Variants in ANK2 observed in about 807,000 individuals in gnomAD.
ANK2 encodes ankyrin-2.
A neutral mutation model predicts 360.5 loss-of-function variants in ANK2; 83 were observed. The ratio of observed to expected loss-of-function variants is 0.23; its 90% CI spans 0.19 to 0.28. The LOEUF is 0.28. Ranked by LOEUF, ANK2 falls within the 10% of genes least tolerant of loss-of-function variation. The pLI, the probability that ANK2 is intolerant of heterozygous loss-of-function variation, is 1.00. For synonymous variants in ANK2, 1,740 were observed against 1,759.5 expected (o/e 0.99, Z 0.28); for missense variants, 4,201 against 4,795.7 (o/e 0.88, Z 3.66).
the ANK2 span, among the ~76,000 whole-genome samples, chr4:112,748,294 A>G: frequency 6.6e-6 from 1 of 152,210 alleles, no homozygotes; most frequent in South Asian, 2.1e-4. Flanking sequence ...GGTTTTATAG[A>G]GTAAATATGG....
the ANK2 span, among the ~76,000 whole-genome samples, chr4:112,749,189 C>T: frequency 6.6e-6 from 1 of 152,306 alleles, no homozygotes; most frequent in South Asian, 2.1e-4. Context: ...CGTGAGCCAC[C>T]GCGCCTGGCC....
intron 1 of ANK2, among the ~76,000 whole-genome samples, chr4:112,887,594 A>G (rs2078774593): frequency 6.6e-6 from 1 of 152,060 alleles, no homozygotes; most frequent in South Asian, 2.1e-4. Context: ...AACCATATAC[A>G]CTCTTCAATT....
At position 113,227,818 on chromosome 4, in the gene ANK2, A is replaced by C. The variant is rs138975943; in HGVS notation, c.385-4343A>C. 4.9e-3 allele frequency among the ~76,000 whole-genome samples: 753 copies of C among 152,344 alleles called. 8 individuals carry two copies. Among genetic ancestry groups the C allele is most frequent in the African/African-American group, 0.017 (709 of 41,578 alleles). ...AGGATAATAGTACAAATGTTGCAGC[A>C]CCATTCTAAGTATTAGATATAGTAT... On this transcript the variant is annotated intron_variant, in intron 4 of 45. Transcript: ENST00000357077.
chr4:113,281,184 A>T (rs948256490), intron 17 of ANK2, among the ~76,000 whole-genome samples: 7 of 152,206 alleles, frequency 4.6e-5, no homozygotes, highest in African/African-American at 1.7e-4. Context: ...TAAATTCTCA[A>T]AACACTTTTT....
the ANK2 span, among the ~76,000 whole-genome samples, chr4:112,725,731 T>C: frequency 1.3e-5 from 2 of 151,984 alleles, no homozygotes; most frequent in Non-Finnish European, 2.9e-5. Flanking sequence ...TAGTCAAATT[T>C]ACAGAGGCAG....
At chr4:112,729,502 T>C in the ANK2 span, among the ~76,000 whole-genome samples, 1 of 152,090 alleles carries the variant, frequency 6.6e-6, no homozygotes, top group Non-Finnish European at 1.5e-5. Context: ...AGGCCTATAA[T>C]CCCAGCACTT....
In ANK2 at chr4:113,074,435, C is replaced by T. The variant is rs115406174; in HGVS notation, c.84+24623C>T. Among the ~76,000 whole-genome samples the T allele has an allele frequency of 8.8e-3, 1,339 of 152,188 alleles. 20 individuals are homozygous for T. Among genetic ancestry groups the T allele is most frequent in the African/African-American group, 0.03 (1,245 of 41,534 alleles). Reference sequence around the variant, plus strand: ...GGCCTCAGTATTTTTTCATATGTCTCCTCATGTGCATAATATGTAATTAGA... The same window carrying T: ...GGCCTCAGTATTTTTTCATATGTCTTCTCATGTGCATAATATGTAATTAGA... On this transcript the variant is annotated intron_variant, in intron 1 of 45. Transcript: ENST00000357077.
intron 2 of ANK2, among the ~76,000 whole-genome samples, chr4:113,190,188 G>T (rs968931191): frequency 6.6e-6 from 1 of 151,808 alleles, no homozygotes; most frequent in Admixed American, 6.6e-5. Context: ...GAGGCAAGGG[G>T]TTTGCTCTGT....
At chr4:112,787,677 A>G in the ANK2 span, among the ~76,000 whole-genome samples, 2 of 152,170 alleles carry the variant, frequency 1.3e-5, no homozygotes, top group African/African-American at 4.8e-5. Flanking sequence ...CTCTGTTCCA[A>G]TCAGTGGCCA....
intron 2 of ANK2, among the ~76,000 whole-genome samples, chr4:113,013,015 G>T (rs1407348637): frequency 6.6e-6 from 1 of 152,168 alleles, no homozygotes; most frequent in Non-Finnish European, 1.5e-5. Context: ...TAATCAGGTT[G>T]CATTGCTATA....
At chr4:112,939,773 T>C (rs1407779577) in intron 2 of ANK2, among the ~76,000 whole-genome samples, 1 of 152,220 alleles carries the variant, frequency 6.6e-6, no homozygotes, top group East Asian at 1.9e-4. Context: ...CAAGGTTATC[T>C]TTCCATGTGT....
At chr4:112,744,255 A>T in the ANK2 span, among the ~76,000 whole-genome samples, 1 of 152,148 alleles carries the variant, frequency 6.6e-6, no homozygotes, top group Non-Finnish European at 1.5e-5. Flanking sequence ...AACTTAATGG[A>T]TACAGAATAT....
At chr4:112,958,845 A>ATTTTCTT (rs1554019434) in intron 2 of ANK2, among the ~76,000 whole-genome samples, 51 of 150,014 alleles carry the variant, frequency 3.4e-4, no homozygotes, top group Admixed American at 1.6e-3. Context: ...ACAAGAGAAG[A>ATTTTCTT]TTTCTTTTTC....
chr4:112,829,249 T>A (rs1161817360), intron 1 of ANK2, among the ~76,000 whole-genome samples: 1 of 152,106 alleles, frequency 6.6e-6, no homozygotes, highest in African/African-American at 2.4e-5. Flanking sequence ...ATAATCTGTC[T>A]AATGCTGAGA....
At position 113,292,478 on chromosome 4, in the gene ANK2, G is replaced by A; in HGVS notation, c.2340G>A (p.Leu780=). Residue 780 remains leucine, a synonymous_variant, in exon 21 of 46, where the codon CTG becomes CTA. Transcript: ENST00000357077. The part of the protein sequence containing the change: ...QQGHTHIINV[L]LQHGAKPNAT... ...GTCACACGCACATCATCAACGTCCT[G>A]CTCCAGCATGGGGCCAAGCCCAACG... is the stretch of plus-strand genomic sequence containing the variant. The A allele has an allele frequency of 6.2e-7, 1 of 1,611,714 alleles. No individual in the cohort carries two copies. Among genetic ancestry groups the A allele is most frequent in the Non-Finnish European group, 8.5e-7 (1 of 1,178,908 alleles).
intron 4 of ANK2, among the ~76,000 whole-genome samples, chr4:113,222,570 A>G (rs1385793302): frequency 7.0e-6 from 1 of 143,812 alleles, no homozygotes; most frequent in Non-Finnish European, 1.6e-5. Context: ...CTGAGGGAGT[A>G]AAAAGAGTAC....
rs1224955500 is a variant in ANK2 at position 113,354,192 on chromosome 4, A to G, written c.5574A>G (p.Ser1858=). The change falls in exon 38 of 46, where the codon TCA becomes TCG. Residue 1858 remains serine, a synonymous_variant. Transcript: ENST00000357077. ...SSKTEKHSPV[S]PSAKTERHSP... ...AAACTGAGAAACACTCACCTGTGTC[A>G]CCCTCTGCAAAAACGGAAAGACATT... The G allele has an allele frequency of 3.7e-6, 6 of 1,614,002 alleles. No individual in the cohort carries two copies. Among genetic ancestry groups the G allele is most frequent in the Non-Finnish European group, 5.1e-6 (6 of 1,179,932 alleles).
At chr4:113,224,466 C>G (rs1295702186) in intron 4 of ANK2, among the ~76,000 whole-genome samples, 1 of 152,174 alleles carries the variant, frequency 6.6e-6, no homozygotes, top group East Asian at 1.9e-4. Flanking sequence ...CTCCTATTCT[C>G]TCCTGAACCT....
chr4:113,354,451 A>T lies in ANK2; in HGVS notation c.5833A>T (p.Thr1945Ser), dbSNP rs527552716. The change falls in exon 38 of 46, where the codon ACG becomes TCG. Residue 1945 changes from threonine to serine, a missense_variant. Physicochemically the swap from Thr to Ser is moderately conservative, Grantham distance 58. Transcript: ENST00000357077. ...KRLPVSPSGR[T>S]DKHQPVSTAG... The stretch of plus-strand genomic sequence containing the variant: ...CTTGCCTGTTTCACCCTCCGGAAGA[A>T]CGGACAAGCACCAACCTGTATCAAC... 119 of 1,614,144 alleles carry T rather than the reference A, an allele frequency of 7.4e-5. 2 individuals carry two copies. In the South Asian group the frequency reaches 1.1e-3, roughly 15 times the overall value.
Sources: allele counts gnomAD v4.1 joint callset (sites outside exome capture counted in the v4.1 genomes callset), GRCh38; gene constraint gnomAD v4.1.1; transcripts MANE v1.5; gene names NCBI Gene and HGNC (gene_info 2026-07-23, HGNC 2026-07-21).